RORB: variants seen among roughly 807,000 people sequenced by gnomAD.
RORB encodes the protein RAR related orphan receptor B, also known as nuclear receptor ROR-beta.
A neutral mutation model predicts 59.1 loss-of-function variants in RORB; 6 were observed. The ratio of observed to expected loss-of-function variants is 0.10; its 90% confidence interval spans 0.06 to 0.20. RORB has a LOEUF of 0.20. RORB is among the 10% of genes least tolerant of loss of function. RORB has a pLI of 1.00. For missense variants in RORB, 320 were observed against 560.5 expected, an observed-to-expected ratio of 0.57 and a Z score of 4.33; for synonymous variants, 215 against 204.5, an observed-to-expected ratio of 1.05 and a Z score of -0.44.
At chr9:74,514,847 G>T (rs1258642469) in intron 1 of RORB, among the ~76,000 whole-genome samples, 1 of 151,248 alleles carries the variant, frequency 6.6e-6, no homozygotes, top group East Asian at 1.9e-4. Flanking sequence ...ATATAATTTT[G>T]TATATAATTC....
chr9:74,610,618 CA>C (rs2118355773), intron 1 of RORB, among the ~76,000 whole-genome samples: 1 of 152,302 alleles, frequency 6.6e-6, no homozygotes, highest in East Asian at 1.9e-4. Flanking sequence ...GGGAGACACA[CA>C]CATTCAGACC....
At chr9:74,621,835 T>C (rs1250231538) in intron 1 of RORB, among the ~76,000 whole-genome samples, 2 of 152,204 alleles carry the variant, frequency 1.3e-5, no homozygotes, top group African/African-American at 4.8e-5. Flanking sequence ...ATATTCAGCA[T>C]CTTTTCATAT....
At chr9:74,573,176 T>C (rs2118232455) in intron 1 of RORB, among the ~76,000 whole-genome samples, 1 of 152,244 alleles carries the variant, frequency 6.6e-6, no homozygotes, top group Middle Eastern at 3.4e-3. Flanking sequence ...CCTCACTTTT[T>C]TGAACAAAGT....
At chr9:74,527,525 A>G (rs1157238476) in intron 1 of RORB, among the ~76,000 whole-genome samples, 1 of 152,078 alleles carries the variant, frequency 6.6e-6, no homozygotes, top group Non-Finnish European at 1.5e-5. Context: ...GAAACTGTCA[A>G]AAGGATGCAT....
intron 4 of RORB, among the ~76,000 whole-genome samples, chr9:74,647,713 AG>A (rs1360433604): frequency 6.6e-6 from 1 of 152,240 alleles, no homozygotes; most frequent in Non-Finnish European, 1.5e-5. Context: ...TAATAGTTAA[AG>A]GAGATTACAA....
intron 1 of RORB, among the ~76,000 whole-genome samples, chr9:74,588,786 T>G (rs1822845339): frequency 6.6e-6 from 1 of 152,250 alleles, no homozygotes; most frequent in Non-Finnish European, 1.5e-5. Context: ...TGTATTACCT[T>G]TTTGTATGGG....
intron 9 of RORB, among the ~76,000 whole-genome samples, chr9:74,676,422 G>A (rs1328648427): frequency 1.3e-5 from 2 of 152,186 alleles, no homozygotes; most frequent in African/African-American, 2.4e-5. Flanking sequence ...ATATCCCTCA[G>A]AGGCAAAGCC....
At chr9:74,673,561 C>A (rs1161912425) in intron 9 of RORB, among the ~76,000 whole-genome samples, 1 of 152,092 alleles carries the variant, frequency 6.6e-6, no homozygotes, top group African/African-American at 2.4e-5. Context: ...AATGTTTATG[C>A]TTGCACCACT....
At chr9:74,558,069 A>G (rs1305273605) in intron 1 of RORB, among the ~76,000 whole-genome samples, 2 of 152,158 alleles carry the variant, frequency 1.3e-5, no homozygotes, top group East Asian at 1.9e-4. Context: ...ATATTTACAT[A>G]TGCTTCATTA....
intron 1 of RORB, among the ~76,000 whole-genome samples, chr9:74,551,497 G>A (rs188440128): frequency 2.3e-4 from 35 of 152,224 alleles, no homozygotes; most frequent in Non-Finnish European, 4.3e-4. Context: ...GAGACAGAGC[G>A]GGATGACAAG....
chr9:74,598,053 GTTT>G (rs1563948235), intron 1 of RORB, among the ~76,000 whole-genome samples: 1 of 152,020 alleles, frequency 6.6e-6, no homozygotes. Context: ...ATTTTCAGCT[GTTT>G]TTGCTACATT....
At chr9:74,673,502 G>C (rs1356056676) in intron 9 of RORB, among the ~76,000 whole-genome samples, 2 of 152,118 alleles carry the variant, frequency 1.3e-5, no homozygotes, top group Non-Finnish European at 2.9e-5. Context: ...GTTCAAATGA[G>C]ATTCTAACAC....
intron 1 of RORB, among the ~76,000 whole-genome samples, chr9:74,549,539 G>GGAAGGAAGGAAGGAAGGAA (rs1826561027): frequency 3.8e-5 from 1 of 26,294 alleles, no homozygotes; most frequent in Non-Finnish European, 7.4e-5. Flanking sequence ...GAGGGAGGGA[G>GGAAGGAAGGAAGGAAGGAA]GGAGGGAGGG....
At chr9:74,567,293 C>CTGG (rs890824906) in intron 1 of RORB, among the ~76,000 whole-genome samples, 4 of 152,154 alleles carry the variant, frequency 2.6e-5, no homozygotes, top group Admixed American at 6.5e-5. Context: ...TCCCAAAGTG[C>CTGG]TGGAATTATG....
chr9:74,652,157 C>A (rs1209882196), intron 4 of RORB, among the ~76,000 whole-genome samples: 2 of 152,108 alleles, frequency 1.3e-5, no homozygotes, highest in Admixed American at 1.3e-4. Flanking sequence ...GGCGCGGTGG[C>A]TCACTTTGGG....
At chr9:74,677,997 C>T (rs1022805861) in intron 9 of RORB, among the ~76,000 whole-genome samples, 1 of 152,052 alleles carries the variant, frequency 6.6e-6, no homozygotes, top group Non-Finnish European at 1.5e-5. Context: ...TCACTGACTA[C>T]AATGAAAAGA....
intron 1 of RORB, among the ~76,000 whole-genome samples, chr9:74,562,115 G>T (rs192916869): frequency 6.6e-6 from 1 of 152,120 alleles, no homozygotes; most frequent in African/African-American, 2.4e-5. Context: ...TTTGCTTAAG[G>T]TGGGGTCTTG....
intron 1 of RORB, among the ~76,000 whole-genome samples, chr9:74,583,260 A>G (rs558489054): frequency 3.2e-4 from 49 of 152,254 alleles, no homozygotes; most frequent in Admixed American, 3.2e-3. Context: ...CTAAAGAAGA[A>G]CTGCCACGTA....
chr9:74,602,011 C>T (rs576681453), intron 1 of RORB, among the ~76,000 whole-genome samples: 6 of 152,266 alleles, frequency 3.9e-5, no homozygotes, highest in African/African-American at 1.2e-4. Context: ...TGGCCAGTCC[C>T]ACACCGACAC....
Sources: allele counts gnomAD v4.1 joint callset (sites outside exome capture counted in the v4.1 genomes callset), GRCh38; gene constraint gnomAD v4.1.1; transcripts MANE v1.5; gene names NCBI Gene and HGNC (gene_info 2026-07-23, HGNC 2026-07-21).